MAPK8: variants seen among roughly 807,000 people sequenced by gnomAD.
MAPK8 encodes mitogen-activated protein kinase 8.
A neutral mutation model predicts 52.9 loss-of-function variants in MAPK8; 13 were observed. That is an observed-to-expected ratio of 0.25 (90% CI 0.16 to 0.39). MAPK8 has a LOEUF of 0.39. Ranked by LOEUF, MAPK8 falls within the 10% of genes least tolerant of loss-of-function variation. The pLI is 1.00. For missense variants in MAPK8, 300 were observed against 519.2 expected (o/e 0.58, Z 4.10); for synonymous variants, 191 against 169.8 (o/e 1.12, Z -0.97).
Position 48,436,455 on chromosome 10 carries a change from T to C in MAPK8, c.*1426T>C, listed in dbSNP as rs2044858423. ...TATTTCTGAAATACGTTGTCTGTAA[T>C]AGACCCAGGCACCTTTTAAATTATC... On this transcript the variant is annotated 3_prime_UTR_variant, in exon 12 of 12. Coordinates refer to ENST00000374189, the MANE Select transcript of MAPK8 (RefSeq NM_001323329.2). 1 of 152,200 alleles carries C rather than the reference T, an allele frequency of 6.6e-6. No homozygotes were observed. Among genetic ancestry groups the C allele is most frequent in the African/African-American group, 2.4e-5 (1 of 41,446 alleles). The allele number at this position is 152,200 out of a possible 1,614,324, so 9.4% of individuals were successfully genotyped here. A position where few individuals can be genotyped will look rare whatever the true frequency, so the allele number is the denominator to read the frequency against.
chr10:48,310,104 G>A (rs1438403346), intron 1 of MAPK8, among the ~76,000 whole-genome samples: 3 of 152,190 alleles, frequency 2.0e-5, no homozygotes, highest in African/African-American at 7.2e-5. Flanking sequence ...AGGTCAATAG[G>A]TGGAGCTAGA....
In MAPK8 at chr10:48,425,705, A is replaced by C. The variant is rs149422217; in HGVS notation, c.689-183A>C. On this transcript the variant is annotated intron_variant, in intron 7 of 11. Coordinates refer to ENST00000374189, the MANE Select transcript of MAPK8 (RefSeq NM_001323329.2). ...ACAATAAATAAGGTTAATAAAGCTT[A>C]TTTATTGATCATTTCTGTCCACCTA... The C allele has an allele frequency of 2.5e-4, 110 of 447,346 alleles. No individual in the cohort carries two copies. The East Asian group carries it at 3.6e-3, about 15-fold the overall frequency. 27.7% of individuals were successfully genotyped at this position (447,346 alleles called of 1,614,324 possible).
chr10:48,432,733 A>C (rs1311037995), intron 11 of MAPK8, among the ~76,000 whole-genome samples: 1 of 152,192 alleles, frequency 6.6e-6, no homozygotes, highest in South Asian at 2.1e-4. Context: ...GAGCATTTGT[A>C]TTTGTTCTTA....
intron 1 of MAPK8, among the ~76,000 whole-genome samples, chr10:48,353,829 G>A (rs2132459949): frequency 6.6e-6 from 1 of 152,302 alleles, no homozygotes; most frequent in Non-Finnish European, 1.5e-5. Flanking sequence ...TTATAGACAT[G>A]GAGGACAAAT....
At chr10:48,333,057 A>G (rs1645499345) in intron 1 of MAPK8, among the ~76,000 whole-genome samples, 1 of 152,120 alleles carries the variant, frequency 6.6e-6, no homozygotes, top group African/African-American at 2.4e-5. Flanking sequence ...CCCATCCACA[A>G]ACAGCCTTAT....
intron 1 of MAPK8, among the ~76,000 whole-genome samples, chr10:48,369,231 T>C (rs960006998): frequency 5.3e-5 from 8 of 152,120 alleles, no homozygotes; most frequent in African/African-American, 1.7e-4. Context: ...AGGCAGTAGG[T>C]AATACTGCCC....
At chr10:48,324,520 T>TTTTTTTTTTTTTTTTTTTTTTTTAA in intron 1 of MAPK8, among the ~76,000 whole-genome samples, 1 of 150,906 alleles carries the variant, frequency 6.6e-6, no homozygotes, top group Non-Finnish European at 1.5e-5. Context: ...TTTTTTTTTT[T>TTTTTTTTTTTTTTTTTTTTTTTTAA]ACACTCATGA....
At chr10:48,321,138 C>T (rs565411869) in intron 1 of MAPK8, among the ~76,000 whole-genome samples, 2 of 139,574 alleles carry the variant, frequency 1.4e-5, no homozygotes, top group Admixed American at 7.4e-5. Context: ...TGCTCTGTCA[C>T]CCATCCTGGA....
At chr10:48,315,227 T>G (rs899896349) in intron 1 of MAPK8, among the ~76,000 whole-genome samples, 1 of 152,244 alleles carries the variant, frequency 6.6e-6, no homozygotes, top group Non-Finnish European at 1.5e-5. Flanking sequence ...TGCCAGTCTT[T>G]CTGTTGGAAT....
chr10:48,375,745 A>G (rs978171096), intron 1 of MAPK8, among the ~76,000 whole-genome samples: 1 of 152,220 alleles, frequency 6.6e-6, no homozygotes, highest in Non-Finnish European at 1.5e-5. Flanking sequence ...GAGGGGACAC[A>G]AACAAATGGA....
intron 6 of MAPK8, among the ~76,000 whole-genome samples, chr10:48,421,996 TTTTATTTATCTTA>T (rs1166329549): frequency 6.9e-6 from 1 of 143,944 alleles, no homozygotes; most frequent in African/African-American, 2.6e-5. Flanking sequence ...CTCACACTCA[TTTTATTTATCTTA>T]TTTATTTATT....
intron 1 of MAPK8, among the ~76,000 whole-genome samples, chr10:48,328,904 G>A (rs987497403): frequency 1.3e-5 from 2 of 152,076 alleles, no homozygotes; most frequent in African/African-American, 2.4e-5. Flanking sequence ...TTGAGGATGC[G>A]GTATTCTGAA....
chr10:48,344,705 A>G (rs1845605234), intron 1 of MAPK8, among the ~76,000 whole-genome samples: 1 of 152,232 alleles, frequency 6.6e-6, no homozygotes, highest in African/African-American at 2.4e-5. Context: ...GAAATTTAAA[A>G]AAATTAATTA....
chr10:48,420,612 G>A (rs2043299791), intron 6 of MAPK8, among the ~76,000 whole-genome samples: 1 of 152,088 alleles, frequency 6.6e-6, no homozygotes, highest in African/African-American at 2.4e-5. Context: ...CCTATAACTT[G>A]AAAATGAACA....
intron 6 of MAPK8, among the ~76,000 whole-genome samples, chr10:48,421,537 G>A (rs576081290): frequency 1.1e-4 from 17 of 152,198 alleles, no homozygotes; most frequent in Admixed American, 5.9e-4. Context: ...GGGTATGGTC[G>A]CTTACACCTG....
intron 1 of MAPK8, among the ~76,000 whole-genome samples, chr10:48,312,376 C>G (rs926385580): frequency 1.3e-5 from 2 of 152,140 alleles, no homozygotes; most frequent in African/African-American, 4.8e-5. Context: ...TGATGTAAGG[C>G]TGGATCTGTA....
chr10:48,362,256 A>C (rs907130857), intron 1 of MAPK8, among the ~76,000 whole-genome samples: 3 of 152,078 alleles, frequency 2.0e-5, no homozygotes, highest in African/African-American at 7.2e-5. Flanking sequence ...CTCCTTACAC[A>C]ATGAGTCTTA....
Position 48,431,259 on chromosome 10 carries a change from C to T in MAPK8, c.1127C>T (p.Pro376Leu), listed in dbSNP as rs1348073540. The change falls in exon 11 of 12, where the codon CCC (proline) becomes CTC (leucine). Residue 376 changes from proline to leucine, a missense_variant. Coordinates refer to ENST00000374189, the MANE Select transcript of MAPK8 (RefSeq NM_001323329.2). ...RTKNGVIRGQ[P>L]SPLGAAVING... Reference sequence around the variant, plus strand: ...AAGAATGGAGTTATACGGGGGCAGCCCTCTCCTTTAGGTTGGTTACAATAT... The same window carrying T: ...AAGAATGGAGTTATACGGGGGCAGCTCTCTCCTTTAGGTTGGTTACAATAT... 6.2e-7 allele frequency: 1 copy of T among 1,610,302 alleles called. No homozygotes were observed. Among genetic ancestry groups the T allele is most frequent in the Non-Finnish European group, 8.5e-7 (1 of 1,176,908 alleles).
intron 5 of MAPK8, among the ~76,000 whole-genome samples, chr10:48,412,661 C>G (rs1186951819): frequency 6.6e-6 from 1 of 152,142 alleles, no homozygotes; most frequent in East Asian, 1.9e-4. Flanking sequence ...AACCTTGGAC[C>G]AGGGTCCCAC....
Sources: gnomAD v4.1 joint callset for allele counts (sites outside exome capture counted in the v4.1 genomes callset) on GRCh38, gnomAD v4.1.1 for gene constraint, MANE v1.5 for transcripts, NCBI Gene and HGNC (gene_info 2026-07-23, HGNC 2026-07-21) for gene names.